CNTNAP2: variants seen among roughly 807,000 people sequenced by gnomAD.
CNTNAP2 encodes contactin-associated protein-like 2.
In CNTNAP2, 98 loss-of-function variants were observed where a neutral mutation model predicts 155.2. The ratio of observed to expected loss-of-function variants is 0.63; its 90% CI spans 0.54 to 0.75. The LOEUF is 0.75. Ranked by LOEUF, CNTNAP2 falls within the 30% of genes least tolerant of loss-of-function variation. CNTNAP2 has a pLI of 0.00. For synonymous variants in CNTNAP2, 651 were observed against 631.2 expected (o/e 1.03, Z -0.47); for missense variants, 1,727 against 1,688.1 (o/e 1.02, Z -0.40).
intron 1 of CNTNAP2, among the ~76,000 whole-genome samples, chr7:146,619,321 T>TTCCA (rs1017962379): frequency 2.4e-4 from 37 of 152,246 alleles, no homozygotes; most frequent in African/African-American, 7.9e-4. Context: ...AAGAAAAATA[T>TTCCA]TCCATCTTCA....
At chr7:147,541,077 A>G (rs1052573812) in intron 11 of CNTNAP2, among the ~76,000 whole-genome samples, 7 of 152,230 alleles carry the variant, frequency 4.6e-5, no homozygotes, top group Non-Finnish European at 8.8e-5. Context: ...AACTCCATTT[A>G]TGTTTAACAT....
intron 12 of CNTNAP2, 76 bp from the exon 13 acceptor site, chr7:147,639,030 C>T (rs1795231110): frequency 4.2e-6 from 6 of 1,429,096 alleles, no homozygotes; most frequent in South Asian, 3.4e-5. Flanking sequence ...TTAAGTGTGG[C>T]TCAATTATTT....
intron 12 of CNTNAP2, among the ~76,000 whole-genome samples, chr7:147,585,925 C>T (rs1429147542): frequency 3.9e-5 from 6 of 152,004 alleles, no homozygotes; most frequent in Non-Finnish European, 7.4e-5. Context: ...ATGCATGATA[C>T]GGCCCTTGGG....
At position 147,640,650 on chromosome 7, in the gene CNTNAP2, A is replaced by C. The variant is rs7783626; in HGVS notation, c.2098+1344A>C. ...GGCTCCGATGACTGAAGGAACACCAAGGTTCTTAATCTCACGCAGAACTGG... is the reference window on the plus strand; with the variant it reads ...GGCTCCGATGACTGAAGGAACACCACGGTTCTTAATCTCACGCAGAACTGG... On this transcript the variant is annotated intron_variant, in intron 13 of 23. Coordinates refer to ENST00000361727, the MANE Select transcript of CNTNAP2 (RefSeq NM_014141.6). Among the ~76,000 whole-genome samples, 3 of 152,046 alleles carry C rather than the reference A, an allele frequency of 2.0e-5. No individual in the cohort carries two copies. The East Asian group carries it at 5.8e-4, about 29-fold the overall frequency.
At chr7:147,350,981 T>C (rs1795957983) in intron 9 of CNTNAP2, among the ~76,000 whole-genome samples, 1 of 151,862 alleles carries the variant, frequency 6.6e-6, no homozygotes, top group African/African-American at 2.4e-5. Flanking sequence ...TTAATATAAA[T>C]TAATTTTTTC....
intron 4 of CNTNAP2, among the ~76,000 whole-genome samples, chr7:147,103,302 TAGAG>T (rs1290618136): frequency 6.6e-6 from 1 of 152,078 alleles, no homozygotes; most frequent in Admixed American, 6.6e-5. Context: ...GCTGCGTGAA[TAGAG>T]AGGAGGTAAA....
At chr7:146,738,869 G>A (rs1333152390) in intron 1 of CNTNAP2, among the ~76,000 whole-genome samples, 3 of 150,220 alleles carry the variant, frequency 2.0e-5, no homozygotes, top group East Asian at 3.9e-4. Flanking sequence ...TTCACTCTTG[G>A]TAGATGGTGT....
chr7:148,295,922 CAAG>C lies in CNTNAP2; in HGVS notation c.3475+28801_3475+28803del, dbSNP rs1217089769. On this transcript the variant is annotated intron_variant, in intron 21 of 23. Transcript: ENST00000361727. ...GTAAAAAGCAAGGGTCTTCCCTCTG[CAAG>C]AAGAGGCACTAAATGTTTAGATTCA... 2.0e-5 allele frequency among the ~76,000 whole-genome samples: 3 copies of C among 152,244 alleles called. No homozygotes were observed. The East Asian group carries it at 5.8e-4, about 29-fold the overall frequency.
At chr7:148,109,351 GTGTTTTGTTTTGTTTTGTTTTGTTT>G (rs71188946) in intron 15 of CNTNAP2, among the ~76,000 whole-genome samples, 3 of 146,986 alleles carry the variant, frequency 2.0e-5, no homozygotes, top group South Asian at 2.2e-4. Flanking sequence ...AAGAAGAGAG[GTGTTTTGTTTTGTTTTGTTTTGTTT>G]TGTTTTGTTT....
chr7:146,668,964 G>T (rs570450046), intron 1 of CNTNAP2, among the ~76,000 whole-genome samples: 53 of 152,032 alleles, frequency 3.5e-4, no homozygotes, highest in African/African-American at 1.2e-3. Context: ...TTTTGTCTCA[G>T]AATATGGTCT....
At chr7:148,104,508 G>A (rs1467869308) in intron 15 of CNTNAP2, among the ~76,000 whole-genome samples, 1 of 152,208 alleles carries the variant, frequency 6.6e-6, no homozygotes, top group African/African-American at 2.4e-5. Context: ...GCTCTGCACA[G>A]TGGTGGAGTG....
At chr7:146,321,740 C>T (rs1478292805) in intron 1 of CNTNAP2, among the ~76,000 whole-genome samples, 1 of 152,132 alleles carries the variant, frequency 6.6e-6, no homozygotes, top group Non-Finnish European at 1.5e-5. Flanking sequence ...GTTCTACACA[C>T]ACACAAAGAG....
intron 12 of CNTNAP2, among the ~76,000 whole-genome samples, chr7:147,579,561 ATAGT>A (rs1251166309): frequency 1.3e-4 from 20 of 152,184 alleles, no homozygotes; most frequent in Admixed American, 3.3e-4. Context: ...TTTCTGATAG[ATAGT>A]TAATTACCTT....
At chr7:148,021,669 G>C (rs1272745899) in intron 15 of CNTNAP2, among the ~76,000 whole-genome samples, 1 of 152,232 alleles carries the variant, frequency 6.6e-6, no homozygotes, top group Non-Finnish European at 1.5e-5. Flanking sequence ...AAGCTACTCT[G>C]TGCTCTCAGA....
At chr7:146,287,726 A>G (rs1197248642) in intron 1 of CNTNAP2, among the ~76,000 whole-genome samples, 1 of 152,194 alleles carries the variant, frequency 6.6e-6, no homozygotes, top group Non-Finnish European at 1.5e-5. Context: ...TGATATGACA[A>G]GATTCTCAAA....
intron 1 of CNTNAP2, among the ~76,000 whole-genome samples, chr7:146,648,971 T>G (rs532044768): frequency 6.6e-6 from 1 of 152,126 alleles, no homozygotes; most frequent in East Asian, 1.9e-4. Context: ...CGCTCTTGCT[T>G]TGTAGTAGAC....
intron 13 of CNTNAP2, among the ~76,000 whole-genome samples, chr7:147,810,795 A>G (rs1207358384): frequency 6.6e-6 from 1 of 152,246 alleles, no homozygotes; most frequent in East Asian, 1.9e-4. Flanking sequence ...TTTGGAAACA[A>G]CAACACGACT....
chr7:146,238,487 T>C (rs747935091), intron 1 of CNTNAP2, among the ~76,000 whole-genome samples: 7 of 152,100 alleles, frequency 4.6e-5, no homozygotes, highest in Non-Finnish European at 1.0e-4. Context: ...AATTATAGAA[T>C]TGAAGAGAAA....
intron 1 of CNTNAP2, among the ~76,000 whole-genome samples, chr7:146,402,739 A>C (rs1205289485): frequency 6.6e-6 from 1 of 152,142 alleles, no homozygotes; most frequent in Non-Finnish European, 1.5e-5. Context: ...GTAAGTGGTA[A>C]AATAATTAGA....
Sources: gnomAD v4.1 joint callset for allele counts (sites outside exome capture counted in the v4.1 genomes callset) on GRCh38, gnomAD v4.1.1 for gene constraint, MANE v1.5 for transcripts, NCBI Gene and HGNC (gene_info 2026-07-23, HGNC 2026-07-21) for gene names.